LCP2: variants seen among roughly 807,000 people sequenced by gnomAD.
The protein encoded by LCP2 is lymphocyte cytosolic protein 2.
Under a neutral mutation model 74.5 loss-of-function variants are expected in LCP2, and 29 were observed. The ratio of observed to expected loss-of-function variants is 0.39; its 90% CI spans 0.29 to 0.53. The LOEUF (loss-of-function observed/expected upper bound fraction) is 0.53, where lower values mean the gene tolerates loss of function less well. Among genes scored for constraint, LCP2 ranks in the 20% least tolerant of loss-of-function variants. The pLI is 0.72. For synonymous variants in LCP2, 228 were observed against 229.5 expected (o/e 0.99, Z 0.06); for missense variants, 604 against 634.6 (o/e 0.95, Z 0.52).
In LCP2 at chr5:170,253,110, C is replaced by A. The variant is rs1312997567; in HGVS notation, c.1245+9G>T. ...GCAAACAAACAAAAATAAAAACATG[C>A]TCTCTTACCTCTTCCTCCGCGGGGG... On this transcript the variant is annotated intron_variant, in intron 18 of 20. Transcript: ENST00000046794. 14 of 1,580,874 alleles carry A rather than the reference C, an allele frequency of 8.9e-6. No homozygotes were observed. Among genetic ancestry groups the A allele is most frequent in the Non-Finnish European group, 1.2e-5 (14 of 1,155,454 alleles).
At chr5:170,268,319 T>C in intron 8 of LCP2, 66 bp downstream of exon 8, 1 of 274,026 alleles carries the variant, frequency 3.6e-6, no homozygotes, top group Non-Finnish European at 7.0e-6. Context: ...GTTTTATTTT[T>C]CTCTCTGGCG....
intron 7 of LCP2, 126 bp downstream of exon 7, chr5:170,270,593 C>A (rs550898074): frequency 1.3e-6 from 1 of 752,164 alleles, no homozygotes; most frequent in African/African-American, 1.8e-5. Context: ...TGTTAAGAAG[C>A]CGAGCAGATA....
At position 170,262,834 on chromosome 5, in the gene LCP2, A is replaced by G. The variant is rs1283923580; in HGVS notation, c.818+8T>C. 9.3e-6 allele frequency: 15 copies of G among 1,613,948 alleles called. No individual in the cohort carries two copies. Among genetic ancestry groups the G allele is most frequent in the Non-Finnish European group, 1.2e-5 (14 of 1,179,912 alleles). The stretch of plus-strand genomic sequence containing the variant: ...CCATGTACCCTCATGTAGATGCAAC[A>G]GTCTTACCTTCCCGCTGGAATCGAG... On this transcript the variant is annotated splice_region_variant and intron_variant, in intron 12 of 20. Transcript: ENST00000046794.
intron 2 of LCP2, among the ~76,000 whole-genome samples, chr5:170,291,001 AG>A (rs1246050712): frequency 3.9e-5 from 3 of 77,276 alleles, no homozygotes; most frequent in East Asian, 3.0e-4. Context: ...AGAAAGAAAG[AG>A]AGAAAGAAAG....
In LCP2 at chr5:170,258,119, T is replaced by G. The variant is rs1191267815; in HGVS notation, c.1018A>C (p.Asn340His). The G allele has an allele frequency of 6.2e-7, 1 of 1,613,758 alleles. No homozygotes were observed. Among genetic ancestry groups the G allele is most frequent in the Admixed American group, 1.7e-5 (1 of 60,006 alleles). ...TTAGTAGATCTTGAAGGGAAAGTGT[T>G]GGAGCTCATAGGAAGTAGTGCTGGC... Reference protein sequence around the residue: ...PQPALLPMSSNTFPSRSTKPS... With the variant: ...PQPALLPMSSHTFPSRSTKPS... Residue 340 changes from asparagine to histidine, a missense_variant, in exon 16 of 21, where the codon AAC (asparagine) becomes CAC (histidine). Physicochemically the swap from Asn to His is moderately conservative, Grantham distance 68 (BLOSUM62 1). Coordinates refer to ENST00000046794, the MANE Select transcript of LCP2 (RefSeq NM_005565.5).
chr5:170,284,763 T>A (rs1433998720), intron 3 of LCP2, among the ~76,000 whole-genome samples: 3 of 151,548 alleles, frequency 2.0e-5, no homozygotes, highest in Non-Finnish European at 4.4e-5. Context: ...CTTTTTTTTT[T>A]TTTTTGAGAT....
At chr5:170,276,974 A>C (rs1762017351) in intron 3 of LCP2, among the ~76,000 whole-genome samples, 1 of 150,836 alleles carries the variant, frequency 6.6e-6, no homozygotes, top group Non-Finnish European at 1.5e-5. Context: ...TACTTGGGAG[A>C]CTGAGGCAGA....
intron 19 of LCP2, chr5:170,252,186 C>A: frequency 3.1e-6 from 1 of 322,774 alleles, no homozygotes; most frequent in Non-Finnish European, 5.8e-6. Flanking sequence ...TTAATAAAAT[C>A]TCCTAAGATG....
At chr5:170,275,250 C>A in intron 5 of LCP2, 70 bp downstream of exon 5, 1 of 1,555,926 alleles carries the variant, frequency 6.4e-7, no homozygotes. Context: ...CCCCAGGAAC[C>A]AGAAAGGCAA....
chr5:170,257,266 A>G (rs1761570313), intron 16 of LCP2, among the ~76,000 whole-genome samples: 2 of 152,230 alleles, frequency 1.3e-5, no homozygotes, highest in South Asian at 4.1e-4. Flanking sequence ...TCAGCAGACA[A>G]GGGCAGCAGA....
In LCP2 at chr5:170,248,492, T is replaced by TACAA; in HGVS notation, c.*201_*204dup. 2.0e-6 allele frequency: 1 copy of TACAA among 512,246 alleles called. No individual in the cohort carries two copies. Among genetic ancestry groups the TACAA allele is most frequent in the Non-Finnish European group, 3.5e-6 (1 of 289,058 alleles). The allele number at this position is 512,246 out of a possible 1,614,324, so 31.7% of individuals were successfully genotyped here. ...AAGTGTGAACATGACTCATGCACTT[T>TACAA]ACAAACATTGAAGAAGAATAAATAA... On this transcript the variant is annotated 3_prime_UTR_variant, in exon 21 of 21. Coordinates refer to ENST00000046794, the MANE Select transcript of LCP2 (RefSeq NM_005565.5).
At chr5:170,261,282 G>A in intron 13 of LCP2, 145 bp from the exon 14 acceptor site, 2 of 646,492 alleles carry the variant, frequency 3.1e-6, no homozygotes, top group Admixed American at 2.5e-5. Context: ...CCCCCACAGA[G>A]CAGGGGAGAG....
At position 170,262,729 on chromosome 5, in the gene LCP2, G is replaced by A. The variant is rs1168668593; in HGVS notation, c.832C>T (p.His278Tyr). 6.2e-7 allele frequency: 1 copy of A among 1,613,816 alleles called. No homozygotes were observed. The highest frequency in any genetic ancestry group is 8.5e-7 in the Non-Finnish European group (1 of 1,179,698). The part of the protein sequence containing the change: ...SIPAGRSLGE[H>Y]LPKIQKPPLP... ...GGAGGCTTTTGAATCTTGGGTAAAT[G>A]CTCCCCGAGTGACCTGTGGAGTTCA... Residue 278 changes from histidine to tyrosine, a missense_variant, in exon 13 of 21, where the codon CAT (histidine) becomes TAT (tyrosine). Coordinates refer to ENST00000046794, the MANE Select transcript of LCP2 (RefSeq NM_005565.5).
chr5:170,276,548 T>G (rs1160336676), intron 3 of LCP2, among the ~76,000 whole-genome samples: 1 of 149,924 alleles, frequency 6.7e-6, no homozygotes, highest in Non-Finnish European at 1.5e-5. Context: ...GAAGATACTC[T>G]TAGTCCCTGG....
chr5:170,290,680 T>C (rs1343277162), intron 2 of LCP2, among the ~76,000 whole-genome samples: 1 of 152,186 alleles, frequency 6.6e-6, no homozygotes, highest in East Asian at 1.9e-4. Context: ...GCCTGGGTTC[T>C]TGATGTCTTC....
Position 170,258,643 on chromosome 5 carries a change from T to C in LCP2, c.970+223A>G, listed in dbSNP as rs75553065. The C allele has an allele frequency of 5.5e-3, 2,594 of 470,656 alleles. 63 individuals carry two copies. Among genetic ancestry groups the C allele is most frequent in the African/African-American group, 0.046 (2,353 of 51,526 alleles). The allele number at this position is 470,656 out of a possible 1,614,324, so 29.2% of individuals were successfully genotyped here. On this transcript the variant is annotated intron_variant, in intron 15 of 20. Transcript: ENST00000046794. The stretch of plus-strand genomic sequence containing the variant: ...TACATTTTGTGATACAATTAAATAA[T>C]CTGCACTGTTACACATGAATTTAGT...
chr5:170,253,297 TC>T (rs146723568), intron 17 of LCP2, 84 bp from the exon 18 acceptor site: 2 of 897,044 alleles, frequency 2.2e-6, no homozygotes, highest in Non-Finnish European at 3.4e-6. Flanking sequence ...TTCCCCCCAC[TC>T]CCCCAAAAAA....
At chr5:170,255,731 A>G (rs913795485) in intron 17 of LCP2, among the ~76,000 whole-genome samples, 10 of 152,220 alleles carry the variant, frequency 6.6e-5, no homozygotes, top group South Asian at 2.1e-4. Context: ...TTCATGAACC[A>G]GCAGTCACAG....
intron 3 of LCP2, among the ~76,000 whole-genome samples, chr5:170,281,717 C>T (rs1278596520): frequency 6.6e-6 from 1 of 152,208 alleles, no homozygotes; most frequent in Non-Finnish European, 1.5e-5. Flanking sequence ...CACAGCCTTA[C>T]AGGAAGACAG....
Sources: gnomAD v4.1 joint callset for allele counts (sites outside exome capture counted in the v4.1 genomes callset) on GRCh38, gnomAD v4.1.1 for gene constraint, MANE v1.5 for transcripts, NCBI Gene and HGNC (gene_info 2026-07-23, HGNC 2026-07-21) for gene names.